Variants in MIPEP observed in about 807,000 individuals in gnomAD.
MIPEP encodes the protein mitochondrial intermediate peptidase.
A neutral mutation model predicts 90.3 loss-of-function variants in MIPEP; 79 were observed. The observed-to-expected ratio is 0.87, with a 90% CI of 0.73 to 1.05. The LOEUF is 1.05. MIPEP is among the 50% of genes least tolerant of loss of function. MIPEP has a pLI of 0.00. For missense variants in MIPEP, 940 were observed against 905.6 expected (o/e 1.04, Z -0.49); for synonymous variants, 334 against 315.8 (o/e 1.06, Z -0.61).
intron 16 of MIPEP, among the ~76,000 whole-genome samples, chr13:23,794,741 A>G (rs1952937765): frequency 1.3e-5 from 2 of 152,210 alleles, no homozygotes; most frequent in Non-Finnish European, 2.9e-5. Flanking sequence ...GGACCATATT[A>G]AAAAAACAAC....
chr13:23,888,807 T>C, intron 1 of MIPEP: 2 of 1,015,222 alleles, frequency 2.0e-6, no homozygotes, highest in Non-Finnish European at 2.4e-6. Flanking sequence ...GGGGTGCGCC[T>C]GAGTGTATGC....
chr13:23,801,236 C>T (rs1423429226), intron 16 of MIPEP, among the ~76,000 whole-genome samples: 6 of 152,162 alleles, frequency 3.9e-5, no homozygotes, highest in Non-Finnish European at 8.8e-5. Context: ...AAGTTGAAAG[C>T]CTTGCAGTTG....
In MIPEP at chr13:23,735,193, A is replaced by T. The variant is rs114624525; in HGVS notation, c.2045-4748T>A. Among the ~76,000 whole-genome samples the T allele has an allele frequency of 2.8e-3, 423 of 152,260 alleles. 2 individuals are homozygous for T. The highest frequency in any genetic ancestry group is 9.9e-3 in the African/African-American group (413 of 41,542). The stretch of plus-strand genomic sequence containing the variant: ...AATCCCCTGAGCCTGTGCAAATCAG[A>T]CACTGCCTCCTCCAGCCTCTGTATA... On this transcript the variant is annotated intron_variant, in intron 18 of 18. Transcript: ENST00000382172.
rs190346189 is a variant in MIPEP, at chr13:23,777,679, A to G, written c.1849-17462T>C. The stretch of plus-strand genomic sequence containing the variant: ...TGTGAATTCCAAGGATTAGTCCAAT[A>G]GACTAGTTTGAGATTGACTCCACTG... On this transcript the variant is annotated intron_variant, in intron 16 of 18. Coordinates refer to ENST00000382172, the MANE Select transcript of MIPEP (RefSeq NM_005932.4). Among the ~76,000 whole-genome samples the G allele has an allele frequency of 3.0e-4, 46 of 152,298 alleles. No individual in the cohort carries two copies. The South Asian group carries it at 9.3e-3, about 31-fold the overall frequency.
At chr13:23,853,850 G>A (rs1348160403) in intron 10 of MIPEP, among the ~76,000 whole-genome samples, 1 of 151,904 alleles carries the variant, frequency 6.6e-6, no homozygotes, top group Non-Finnish European at 1.5e-5. Context: ...ACAGGCATGA[G>A]CCACTGTGCC....
At chr13:23,839,581 A>G in intron 12 of MIPEP, 68 bp downstream of exon 12, 1 of 986,584 alleles carries the variant, frequency 1.0e-6, no homozygotes, top group Non-Finnish European at 1.5e-6. Flanking sequence ...AAATGATACA[A>G]AGTTCACATC....
At chr13:23,836,146 T>C in intron 14 of MIPEP, 94 bp downstream of exon 14, 1 of 679,854 alleles carries the variant, frequency 1.5e-6, no homozygotes, top group East Asian at 2.9e-5. Context: ...AGAGGGTGAG[T>C]TCTGAAAAGC....
intron 1 of MIPEP, 117 bp from the exon 2 acceptor site, chr13:23,886,623 T>TTA: frequency 1.4e-6 from 1 of 732,012 alleles, no homozygotes; most frequent in Non-Finnish European, 2.0e-6. Context: ...GTGTATCATG[T>TTA]TATACCTGTG....
At chr13:23,831,640 A>T (rs1025660198) in intron 14 of MIPEP, among the ~76,000 whole-genome samples, 1 of 152,072 alleles carries the variant, frequency 6.6e-6, no homozygotes, top group Non-Finnish European at 1.5e-5. Context: ...GCTTCATAAC[A>T]ACCTGCTCTC....
At chr13:23,776,534 G>A (rs1423094834) in intron 16 of MIPEP, among the ~76,000 whole-genome samples, 1 of 152,084 alleles carries the variant, frequency 6.6e-6, no homozygotes, top group African/African-American at 2.4e-5. Context: ...TTTTCACACT[G>A]TCTTGTACAT....
intron 2 of MIPEP, among the ~76,000 whole-genome samples, chr13:23,885,377 C>T (rs1452788746): frequency 1.3e-5 from 2 of 152,004 alleles, no homozygotes; most frequent in Admixed American, 6.5e-5. Flanking sequence ...ACCTACTATT[C>T]GATAGCACAA....
intron 3 of MIPEP, among the ~76,000 whole-genome samples, chr13:23,881,220 G>C (rs1192065685): frequency 6.6e-6 from 1 of 152,160 alleles, no homozygotes; most frequent in Non-Finnish European, 1.5e-5. Flanking sequence ...ACTGTTTATA[G>C]AGCATTTTGG....
intron 4 of MIPEP, among the ~76,000 whole-genome samples, chr13:23,877,098 A>C (rs993814069): frequency 2.6e-5 from 4 of 152,186 alleles, no homozygotes; most frequent in African/African-American, 9.7e-5. Context: ...ATGTTCTACT[A>C]TCTGGTATAA....
chr13:23,796,692 T>C (rs1952966510), intron 16 of MIPEP, among the ~76,000 whole-genome samples: 1 of 152,184 alleles, frequency 6.6e-6, no homozygotes, highest in Non-Finnish European at 1.5e-5. Flanking sequence ...TCTTTCCACA[T>C]GGTTAAGAGG....
intron 14 of MIPEP, among the ~76,000 whole-genome samples, chr13:23,833,749 T>C (rs1566010594): frequency 6.6e-6 from 1 of 152,182 alleles, no homozygotes. Context: ...AAATGACTAC[T>C]GTGCAAGGCT....
Position 23,760,148 on chromosome 13 carries a change from C to T in MIPEP, c.1918G>A (p.Ala640Thr), listed in dbSNP as rs1219955261. Residue 640 changes from alanine to threonine, a missense_variant, in exon 17 of 19, where the codon GCG becomes ACG. Coordinates refer to ENST00000382172, the MANE Select transcript of MIPEP (RefSeq NM_005932.4). ...TCCTTCCAAACCATGGAGGCGACCG[C>T]TCTGGACATGAGGTAAGAGTAATAT... The part of the protein sequence containing the change: ...ARYYSYLMSR[A>T]VASMVWKECF... The T allele has an allele frequency of 1.9e-6, 3 of 1,614,054 alleles. No homozygotes were observed. The African/African-American group carries it at 4.0e-5, about 22-fold the overall frequency.
At chr13:23,794,637 A>T (rs1952936328) in intron 16 of MIPEP, among the ~76,000 whole-genome samples, 1 of 152,196 alleles carries the variant, frequency 6.6e-6, no homozygotes, top group Admixed American at 6.5e-5. Context: ...AGTTCCTTAT[A>T]TCTAGCTTGT....
intron 2 of MIPEP, among the ~76,000 whole-genome samples, chr13:23,884,177 T>C (rs979387199): frequency 1.4e-5 from 2 of 146,108 alleles, no homozygotes; most frequent in African/African-American, 2.6e-5. Context: ...GGCAAAACTA[T>C]AGGGAGAGAG....
At chr13:23,779,655 G>A (rs899222560) in intron 16 of MIPEP, among the ~76,000 whole-genome samples, 1 of 152,080 alleles carries the variant, frequency 6.6e-6, no homozygotes, top group African/African-American at 2.4e-5. Flanking sequence ...AAAGCAGGGT[G>A]AGGCATCGCC....
Sources: allele counts gnomAD v4.1 joint callset (sites outside exome capture counted in the v4.1 genomes callset), GRCh38; gene constraint gnomAD v4.1.1; transcripts MANE v1.5; gene names NCBI Gene and HGNC (gene_info 2026-07-23, HGNC 2026-07-21).